KCNK2: variants seen among roughly 807,000 people sequenced by gnomAD.
KCNK2 encodes potassium channel subfamily K member 2.
KCNK2 carries 21 observed loss-of-function variants against 40.5 expected under a neutral mutation model. That is an observed-to-expected ratio of 0.52 (90% CI 0.37 to 0.75). The LOEUF (loss-of-function observed/expected upper bound fraction) is 0.75, where lower values mean the gene tolerates loss of function less well. Among genes scored for constraint, KCNK2 ranks in the 30% least tolerant of loss-of-function variants. KCNK2 has a pLI of 0.00. For synonymous variants in KCNK2, 191 were observed against 202.2 expected (o/e 0.94, Z 0.47); for missense variants, 399 against 531.6 (o/e 0.75, Z 2.45).
chr1:215,041,729 C>A (rs554419178), intron 1 of KCNK2, among the ~76,000 whole-genome samples: 49 of 152,218 alleles, frequency 3.2e-4, no homozygotes, highest in African/African-American at 1.1e-3. Flanking sequence ...TTCAGGTGAG[C>A]CAATAAGATT....
At chr1:215,173,347 A>G (rs372111893) in intron 5 of KCNK2, among the ~76,000 whole-genome samples, 1 of 152,024 alleles carries the variant, frequency 6.6e-6, no homozygotes, top group South Asian at 2.1e-4. Flanking sequence ...TATGTGCCAC[A>G]TTTTCTTAAT....
intron 1 of KCNK2, among the ~76,000 whole-genome samples, chr1:215,010,186 A>G (rs1413809894): frequency 6.6e-6 from 1 of 152,222 alleles, no homozygotes; most frequent in Non-Finnish European, 1.5e-5. Flanking sequence ...AGAGAAAAAC[A>G]TATAACTATG....
At chr1:215,141,261 C>G (rs1337134345) in intron 3 of KCNK2, among the ~76,000 whole-genome samples, 1 of 152,074 alleles carries the variant, frequency 6.6e-6, no homozygotes, top group Non-Finnish European at 1.5e-5. Context: ...ATAGTAAATA[C>G]ATAAACCAGT....
At chr1:215,095,469 G>A (rs1045566360) in intron 2 of KCNK2, among the ~76,000 whole-genome samples, 2 of 152,020 alleles carry the variant, frequency 1.3e-5, no homozygotes, top group African/African-American at 2.4e-5. Flanking sequence ...CATGATCACC[G>A]TTTTACAGAT....
rs1339809395 is a variant in KCNK2 at position 215,235,999 on chromosome 1, T to G, written c.*854T>G. 2 of 151,768 alleles carry G rather than the reference T, an allele frequency of 1.3e-5. No homozygotes were observed. Among genetic ancestry groups the G allele is most frequent in the Non-Finnish European group, 2.9e-5 (2 of 67,868 alleles). The allele number at this position is 151,768 out of a possible 1,614,324, so 9.4% of individuals were successfully genotyped here. On this transcript the variant is annotated 3_prime_UTR_variant, in exon 7 of 7. Transcript: ENST00000444842. ...CCTTTTTTCCTGGCAGTATTTGGAA[T>G]TTATCATTTATTAATAACTATACAT... is the stretch of plus-strand genomic sequence containing the variant.
At chr1:215,197,957 C>T (rs1046711024) in intron 6 of KCNK2, among the ~76,000 whole-genome samples, 3 of 152,028 alleles carry the variant, frequency 2.0e-5, no homozygotes, top group Non-Finnish European at 1.5e-5. Context: ...AGAGATGGCG[C>T]TACTGTACTC....
chr1:215,187,557 A>G (rs2102655873), intron 5 of KCNK2, among the ~76,000 whole-genome samples: 1 of 152,266 alleles, frequency 6.6e-6, no homozygotes, highest in Admixed American at 6.5e-5. Context: ...AAACACATAA[A>G]GTGTTAGTGA....
At chr1:215,056,428 C>T (rs1448309766) in intron 1 of KCNK2, among the ~76,000 whole-genome samples, 1 of 130,804 alleles carries the variant, frequency 7.6e-6, no homozygotes, top group Non-Finnish European at 1.6e-5. Flanking sequence ...TATACATAAA[C>T]TGGGAGATGG....
chr1:215,053,880 C>A (rs960704373), intron 1 of KCNK2, among the ~76,000 whole-genome samples: 1 of 152,096 alleles, frequency 6.6e-6, no homozygotes, highest in Non-Finnish European at 1.5e-5. Flanking sequence ...GGCAGGAGAA[C>A]CTCTGGAGGC....
intron 6 of KCNK2, among the ~76,000 whole-genome samples, chr1:215,230,665 A>T (rs1185533126): frequency 1.4e-5 from 2 of 144,424 alleles, no homozygotes; most frequent in African/African-American, 5.2e-5. Context: ...GCCCTATTTT[A>T]TAGATAAGGA....
chr1:215,207,974 A>T (rs1270932252), intron 6 of KCNK2, among the ~76,000 whole-genome samples: 4 of 152,214 alleles, frequency 2.6e-5, no homozygotes, highest in African/African-American at 9.6e-5. Flanking sequence ...AATTCCTCAA[A>T]GAGCTAAAAG....
At chr1:215,130,172 G>A (rs988478132) in intron 3 of KCNK2, among the ~76,000 whole-genome samples, 1 of 152,134 alleles carries the variant, frequency 6.6e-6, no homozygotes, top group Non-Finnish European at 1.5e-5. Context: ...CAGAGGTTGA[G>A]TTTAATCACC....
At chr1:215,085,916 T>A (rs1659412006) in intron 1 of KCNK2, among the ~76,000 whole-genome samples, 1 of 152,242 alleles carries the variant, frequency 6.6e-6, no homozygotes, top group Non-Finnish European at 1.5e-5. Flanking sequence ...AGAATGTTCT[T>A]TATATTGCTT....
intron 1 of KCNK2, among the ~76,000 whole-genome samples, chr1:215,052,239 G>A (rs1342063491): frequency 6.6e-6 from 1 of 152,192 alleles, no homozygotes; most frequent in African/African-American, 2.4e-5. Flanking sequence ...TTGGTTCTAG[G>A]TGGTGGTAGA....
chr1:215,098,720 G>A (rs188892566), intron 2 of KCNK2, among the ~76,000 whole-genome samples: 1 of 151,712 alleles, frequency 6.6e-6, no homozygotes. Flanking sequence ...ATTTGTACAA[G>A]GAATCAATTA....
chr1:215,021,418 A>C (rs545070057), intron 1 of KCNK2, among the ~76,000 whole-genome samples: 2 of 51,852 alleles, frequency 3.9e-5, no homozygotes, highest in Non-Finnish European at 1.4e-4. Flanking sequence ...GGGCTGAGTA[A>C]GGAAGATCTG....
chr1:215,006,696 A>G (rs906695287), intron 1 of KCNK2, among the ~76,000 whole-genome samples: 1 of 152,102 alleles, frequency 6.6e-6, no homozygotes, highest in Non-Finnish European at 1.5e-5. Flanking sequence ...GTATGTACTA[A>G]ATAAATATTT....
At chr1:215,210,195 A>T (rs1351444238) in intron 6 of KCNK2, among the ~76,000 whole-genome samples, 1 of 149,642 alleles carries the variant, frequency 6.7e-6, no homozygotes, top group Non-Finnish European at 1.5e-5. Context: ...GTGTACACAC[A>T]TATGTATGTG....
chr1:215,117,791 A>G (rs1456227884), intron 2 of KCNK2, among the ~76,000 whole-genome samples: 1 of 152,058 alleles, frequency 6.6e-6, no homozygotes, highest in Non-Finnish European at 1.5e-5. Context: ...TATGCAAGGA[A>G]CCCAATGACA....
Sources: allele counts gnomAD v4.1 joint callset (sites outside exome capture counted in the v4.1 genomes callset), GRCh38; gene constraint gnomAD v4.1.1; transcripts MANE v1.5; gene names NCBI Gene and HGNC (gene_info 2026-07-23, HGNC 2026-07-21).